The following KLF12 variants were observed in gnomAD, a reference collection of about 807,000 sequenced individuals.
KLF12 encodes the protein KLF transcription factor 12, also known as Krueppel-like factor 12.
KLF12 carries 9 observed loss-of-function variants against 37.8 expected under a neutral mutation model. The ratio of observed to expected loss-of-function variants is 0.24; its 90% CI spans 0.14 to 0.42. The LOEUF (loss-of-function observed/expected upper bound fraction) is 0.42, where lower values mean the gene tolerates loss of function less well. Among genes scored for constraint, KLF12 ranks in the 10% least tolerant of loss-of-function variants. KLF12 has a pLI of 1.00. For missense variants in KLF12, 411 were observed against 516.0 expected (o/e 0.80, Z 1.97); for synonymous variants, 208 against 202.1 (o/e 1.03, Z -0.25).
chr13:74,208,503 G>T, the KLF12 span, among the ~76,000 whole-genome samples: 1 of 152,150 alleles, frequency 6.6e-6, no homozygotes, highest in African/African-American at 2.4e-5. Context: ...TTTTGGAAAT[G>T]ATATTATAAT....
the KLF12 span, among the ~76,000 whole-genome samples, chr13:74,244,284 T>A: frequency 6.6e-6 from 1 of 152,212 alleles, no homozygotes; most frequent in Non-Finnish European, 1.5e-5. Context: ...ATTTATAAAC[T>A]ACAGATGATC....
intron 2 of KLF12, among the ~76,000 whole-genome samples, chr13:73,982,879 C>T (rs1383282310): frequency 2.0e-5 from 3 of 152,010 alleles, no homozygotes; most frequent in African/African-American, 7.3e-5. Context: ...TTTTCTGTCA[C>T]CCACTTTTCA....
At chr13:74,029,142 A>C (rs1893052663) in intron 1 of KLF12, among the ~76,000 whole-genome samples, 1 of 152,122 alleles carries the variant, frequency 6.6e-6, no homozygotes, top group South Asian at 2.1e-4. Flanking sequence ...AATCAATAAT[A>C]AACAGTGGGA....
chr13:73,972,985 A>G (rs763164867), intron 2 of KLF12, among the ~76,000 whole-genome samples: 6 of 152,126 alleles, frequency 3.9e-5, no homozygotes, highest in Non-Finnish European at 8.8e-5. Context: ...GAAATCAGAA[A>G]GCCTAATGAG....
At chr13:74,063,922 G>T (rs971303216) in intron 1 of KLF12, among the ~76,000 whole-genome samples, 2 of 152,226 alleles carry the variant, frequency 1.3e-5, no homozygotes, top group South Asian at 4.2e-4. Context: ...GATTCCAAAA[G>T]ACAGCATTTA....
intron 6 of KLF12, among the ~76,000 whole-genome samples, chr13:73,724,651 AATACTCTGTG>A (rs1876525980): frequency 6.6e-6 from 1 of 152,192 alleles, no homozygotes; most frequent in African/African-American, 2.4e-5. Flanking sequence ...TTACTCTTTG[AATACTCTGTG>A]AAATTAACAC....
chr13:73,787,757 T>C (rs2138243038), intron 5 of KLF12, among the ~76,000 whole-genome samples: 1 of 152,304 alleles, frequency 6.6e-6, no homozygotes, highest in South Asian at 2.1e-4. Flanking sequence ...TGATTTGACT[T>C]GGAGACTATT....
At chr13:73,760,940 A>C (rs753420214) in intron 6 of KLF12, among the ~76,000 whole-genome samples, 4 of 152,162 alleles carry the variant, frequency 2.6e-5, no homozygotes, top group Non-Finnish European at 5.9e-5. Flanking sequence ...CCTTAAGTCA[A>C]CTGCAATAAT....
intron 5 of KLF12, among the ~76,000 whole-genome samples, chr13:73,773,410 C>T (rs529960240): frequency 6.6e-5 from 10 of 152,216 alleles, no homozygotes; most frequent in South Asian, 6.2e-4. Flanking sequence ...ACCCTTTCTT[C>T]GATGTCAGAA....
chr13:74,009,541 C>T (rs1269687261), intron 1 of KLF12, among the ~76,000 whole-genome samples: 1 of 152,174 alleles, frequency 6.6e-6, no homozygotes, highest in Non-Finnish European at 1.5e-5. Flanking sequence ...GATGGAAGTG[C>T]TATGCCGGAT....
chr13:74,007,610 A>C (rs1892446136), intron 1 of KLF12, among the ~76,000 whole-genome samples: 1 of 152,128 alleles, frequency 6.6e-6, no homozygotes, highest in Admixed American at 6.5e-5. Context: ...CAATACAGCT[A>C]ATGTCGGAGG....
chr13:74,019,934 G>A (rs1162288752), intron 1 of KLF12, among the ~76,000 whole-genome samples: 1 of 151,994 alleles, frequency 6.6e-6, no homozygotes, highest in Non-Finnish European at 1.5e-5. Flanking sequence ...AAATCTTTAG[G>A]GATCAAATAT....
At chr13:73,914,472 G>A (rs905563046) in intron 3 of KLF12, among the ~76,000 whole-genome samples, 3 of 152,192 alleles carry the variant, frequency 2.0e-5, no homozygotes, top group Non-Finnish European at 4.4e-5. Flanking sequence ...AATAGATGTG[G>A]AGAGAGCCAA....
upstream of KLF12, among the ~76,000 whole-genome samples, chr13:74,136,780 TAAA>T (rs58976692): frequency 2.1e-5 from 3 of 143,508 alleles, no homozygotes; most frequent in Non-Finnish European, 3.1e-5. Context: ...CCTGTGTGGT[TAAA>T]AAAAAAAAAA....
intron 7 of KLF12, among the ~76,000 whole-genome samples, chr13:73,696,942 T>C (rs969196569): frequency 6.6e-6 from 1 of 152,180 alleles, no homozygotes; most frequent in East Asian, 1.9e-4. Context: ...CCTATCACAA[T>C]ATACCATGAA....
chr13:73,857,459 TG>T (rs1473192010), intron 3 of KLF12, among the ~76,000 whole-genome samples: 2 of 152,252 alleles, frequency 1.3e-5, no homozygotes, highest in African/African-American at 2.4e-5. Flanking sequence ...TATATATTTT[TG>T]TATAAAATGT....
At chr13:74,111,715 A>G (rs921207785) in intron 1 of KLF12, among the ~76,000 whole-genome samples, 15 of 96,004 alleles carry the variant, frequency 1.6e-4, no homozygotes, top group African/African-American at 3.7e-4. Context: ...CATTTGTGCC[A>G]ATGGGGAAAA....
At position 73,686,253 on chromosome 13, in the gene KLF12, A is replaced by G. The variant is rs1166718457; in HGVS notation, c.*9237T>C. 6.6e-6 allele frequency: 1 copy of G among 152,632 alleles called. No homozygotes were observed. The highest frequency in any genetic ancestry group is 1.5e-5 in the Non-Finnish European group (1 of 68,020). 9.5% of individuals were successfully genotyped at this position (152,632 alleles called of 1,614,324 possible). On this transcript the variant is annotated 3_prime_UTR_variant, in exon 8 of 8. Transcript: ENST00000377669. ...ACCAACAGAATATGTCTGAGACACC[A>G]TTAAAAACAATAACACTTGTTCATT...
the KLF12 span, among the ~76,000 whole-genome samples, chr13:74,144,627 T>TA: frequency 1.3e-5 from 2 of 152,132 alleles, no homozygotes; most frequent in Non-Finnish European, 1.5e-5. Context: ...CTCACTGAGA[T>TA]AAAAAAATTC....
Sources: allele counts gnomAD v4.1 joint callset (sites outside exome capture counted in the v4.1 genomes callset), GRCh38; gene constraint gnomAD v4.1.1; transcripts MANE v1.5; gene names NCBI Gene and HGNC (gene_info 2026-07-23, HGNC 2026-07-21).